The following KATNIP variants were observed in gnomAD, a reference collection of about 807,000 sequenced individuals.
The protein encoded by KATNIP is katanin interacting protein, also known as katanin-interacting protein.
Under a neutral mutation model 174.0 loss-of-function variants are expected in KATNIP, and 126 were observed. The observed-to-expected ratio is 0.72, with a 90% CI of 0.63 to 0.84. The LOEUF (loss-of-function observed/expected upper bound fraction) is 0.84, where lower values mean the gene tolerates loss of function less well. KATNIP is among the 40% of genes least tolerant of loss of function. The pLI is 0.00. For synonymous variants in KATNIP, 810 were observed against 835.7 expected, an observed-to-expected ratio of 0.97 and a Z score of 0.53; for missense variants, 1,958 against 2,109.7, an observed-to-expected ratio of 0.93 and a Z score of 1.41.
chr16:27,777,169 C>A lies in KATNIP; in HGVS notation c.4551+140C>A. ...CAAATGCCTGGTCGTCAGATGCAGGCGAATTTCCCACCCAACCATGAATTC... is the reference window on the plus strand; with the variant it reads ...CAAATGCCTGGTCGTCAGATGCAGGAGAATTTCCCACCCAACCATGAATTC... On this transcript the variant is annotated intron_variant, in intron 25 of 27. Transcript: ENST00000261588. This position sits in a 1 kb window ranked among gnomAD's most constrained non-coding sequence, Gnocchi z 4.4. 1.6e-6 allele frequency: 1 copy of A among 634,622 alleles called. No individual in the cohort carries two copies. The highest frequency in any genetic ancestry group is 2.9e-6 in the Non-Finnish European group (1 of 350,658). 39.3% of individuals were successfully genotyped at this position (634,622 alleles called of 1,614,324 possible).
At chr16:27,744,560 G>A (rs1415929251) in intron 15 of KATNIP, among the ~76,000 whole-genome samples, 2 of 151,946 alleles carry the variant, frequency 1.3e-5, no homozygotes, top group Non-Finnish European at 2.9e-5. Flanking sequence ...CTCCAGCCTG[G>A]GTGACAGAGC....
intron 2 of KATNIP, among the ~76,000 whole-genome samples, chr16:27,590,855 C>T: frequency 6.6e-6 from 1 of 152,240 alleles, no homozygotes; most frequent in East Asian, 1.9e-4. Context: ...ATTCATTTCT[C>T]AGGGATTTCT....
At chr16:27,613,818 T>G (rs1362982016) in intron 2 of KATNIP, among the ~76,000 whole-genome samples, 2 of 152,198 alleles carry the variant, frequency 1.3e-5, no homozygotes, top group African/African-American at 4.8e-5. Context: ...GCGCTTTTCT[T>G]GCACTCAGGA....
At chr16:27,762,587 G>A (rs1467418299) in intron 19 of KATNIP, among the ~76,000 whole-genome samples, 3 of 152,168 alleles carry the variant, frequency 2.0e-5, no homozygotes, top group Non-Finnish European at 2.9e-5. Context: ...CCCCTGCCTT[G>A]GTTTCCTTAT....
At chr16:27,576,094 A>G (rs1216785050) in intron 2 of KATNIP, among the ~76,000 whole-genome samples, 5 of 152,236 alleles carry the variant, frequency 3.3e-5, no homozygotes, top group Non-Finnish European at 7.3e-5. Context: ...CTTTGGTCAC[A>G]GAATAGCAGC....
chr16:27,582,258 C>T (rs1455763806), intron 2 of KATNIP, among the ~76,000 whole-genome samples: 1 of 152,012 alleles, frequency 6.6e-6, no homozygotes, highest in African/African-American at 2.4e-5. Context: ...ATCTCAATTG[C>T]TTTGTTTTAA....
At chr16:27,677,625 T>G in intron 6 of KATNIP, 104 bp from the exon 7 acceptor site, 1 of 1,177,254 alleles carries the variant, frequency 8.5e-7, no homozygotes, top group Non-Finnish European at 1.2e-6. Flanking sequence ...TTGTTAAATG[T>G]TAGTTTGGGG....
chr16:27,641,978 C>G (rs1382587444), intron 5 of KATNIP, among the ~76,000 whole-genome samples: 1 of 152,250 alleles, frequency 6.6e-6, no homozygotes, highest in Non-Finnish European at 1.5e-5. Context: ...CTTGCCCCTT[C>G]TCGAGCCATC....
At chr16:27,769,568 C>G (rs1237033539) in intron 20 of KATNIP, among the ~76,000 whole-genome samples, 2 of 152,220 alleles carry the variant, frequency 1.3e-5, no homozygotes, top group East Asian at 3.8e-4. Flanking sequence ...CCATCTCATG[C>G]CGCCCCAGGC....
chr16:27,560,242 A>G (rs983772729), intron 1 of KATNIP, among the ~76,000 whole-genome samples: 4 of 148,784 alleles, frequency 2.7e-5, no homozygotes, highest in Non-Finnish European at 5.9e-5. Flanking sequence ...AGATCGCGCC[A>G]CTGCAGTCCA....
intron 5 of KATNIP, among the ~76,000 whole-genome samples, chr16:27,645,748 A>C (rs1042681189): frequency 6.6e-6 from 1 of 152,186 alleles, no homozygotes; most frequent in African/African-American, 2.4e-5. Context: ...CCGGTCAGGA[A>C]GAAGGGTAGA....
chr16:27,761,577 C>T lies in KATNIP; in HGVS notation c.3796C>T (p.Arg1266Trp), dbSNP rs1201304221. 14 of 1,613,762 alleles carry T rather than the reference C, an allele frequency of 8.7e-6. No individual in the cohort carries two copies. The highest frequency in any genetic ancestry group is 2.2e-5 in the South Asian group (2 of 91,076). ...NELPEYSDDSRALDKLIDGTN... is the reference protein window; with the variant it reads ...NELPEYSDDSWALDKLIDGTN... ...GCTCCCCGAGTACTCTGACGACTCC[C>T]GGGCCCTGGACAAGTAAGTGTCTAT... The change falls in exon 19 of 28, where the codon CGG becomes TGG. Residue 1266 changes from arginine to tryptophan, a missense_variant. This residue lies in a region of KATNIP where 18 missense variants were observed against 35.8 expected (regional missense o/e 0.50). Transcript: ENST00000261588.
chr16:27,751,892 T>A lies in KATNIP; in HGVS notation c.3520T>A (p.Phe1174Ile). 1 of 1,612,364 alleles carries A rather than the reference T, an allele frequency of 6.2e-7. No individual in the cohort carries two copies. The highest frequency in any genetic ancestry group is 1.3e-5 in the African/African-American group (1 of 75,006). The change falls in exon 17 of 28, where the codon TTC (phenylalanine) becomes ATC (isoleucine). Residue 1174 changes from phenylalanine (F) to isoleucine (I), a missense_variant. Around this residue, in one of 3 missense-constraint regions of KATNIP, gnomAD observed 1,557 missense variants for 1,617.8 expected, o/e 0.96. Transcript: ENST00000261588. ...CGACGGCGAGGGGGATGAGCGGCCCTTCACCCAGGCTGGCTTGGGGGCTGA... is the reference window on the plus strand; with the variant it reads ...CGACGGCGAGGGGGATGAGCGGCCCATCACCCAGGCTGGCTTGGGGGCTGA... ...TADGEGDERP[F>I]TQAGLGADER...
chr16:27,666,009 C>A (rs1321945969), intron 6 of KATNIP, among the ~76,000 whole-genome samples: 1 of 152,186 alleles, frequency 6.6e-6, no homozygotes, highest in African/African-American at 2.4e-5. Context: ...CAGCCAGTGG[C>A]ATTCCTTGAT....
intron 15 of KATNIP, 75 bp downstream of exon 15, chr16:27,740,995 C>CA: frequency 7.1e-7 from 1 of 1,417,826 alleles, no homozygotes; most frequent in East Asian, 2.5e-5. Context: ...CAGTTAGCTC[C>CA]TGGACCTCAG....
chr16:27,690,875 T>C (rs966730269), intron 8 of KATNIP, among the ~76,000 whole-genome samples: 2 of 152,212 alleles, frequency 1.3e-5, no homozygotes. Context: ...ATATGAATAC[T>C]GTTCCAGGGT....
intron 6 of KATNIP, among the ~76,000 whole-genome samples, chr16:27,671,107 C>T (rs1233865680): frequency 2.0e-5 from 3 of 152,100 alleles, no homozygotes; most frequent in Non-Finnish European, 4.4e-5. Context: ...GCAGGAGAAT[C>T]GCTTGAACCC....
chr16:27,617,814 A>C (rs2076084422), intron 2 of KATNIP, among the ~76,000 whole-genome samples: 1 of 152,146 alleles, frequency 6.6e-6, no homozygotes, highest in South Asian at 2.1e-4. Context: ...GGCTCACTGC[A>C]GCTTCAACTT....
At chr16:27,574,062 G>A in intron 2 of KATNIP, 106 bp downstream of exon 2, 2 of 992,260 alleles carry the variant, frequency 2.0e-6, no homozygotes, top group South Asian at 1.4e-5. Flanking sequence ...TTTCTCTTGG[G>A]GTCCCAAGCT....
Sources: gnomAD v4.1 joint callset for allele counts (sites outside exome capture counted in the v4.1 genomes callset) on GRCh38, gnomAD v4.1.1 for gene constraint, gnomAD v4.1.1 regional missense constraint, Gnocchi (gnomAD v3.1) non-coding constraint, MANE v1.5 for transcripts, NCBI Gene and HGNC (gene_info 2026-07-23, HGNC 2026-07-21) for gene names.